CACNA2D3: variants seen among roughly 807,000 people sequenced by gnomAD.
CACNA2D3 encodes the protein voltage-dependent calcium channel subunit alpha-2/delta-3.
In CACNA2D3, 60 loss-of-function variants were observed where a neutral mutation model predicts 160.6. The ratio of observed to expected loss-of-function variants is 0.37; its 90% CI spans 0.30 to 0.46. The LOEUF (loss-of-function observed/expected upper bound fraction) is 0.46. Among genes scored for constraint, CACNA2D3 ranks in the 20% least tolerant of loss-of-function variants. The pLI is 1.00. For missense variants in CACNA2D3, 1,205 were observed against 1,365.0 expected (o/e 0.88, Z 1.85); for synonymous variants, 558 against 492.9 (o/e 1.13, Z -1.75).
chr3:54,759,824 G>T (rs950554172), intron 12 of CACNA2D3, among the ~76,000 whole-genome samples: 1 of 152,208 alleles, frequency 6.6e-6, no homozygotes, highest in Non-Finnish European at 1.5e-5. Context: ...TCCCAGCAGC[G>T]AAAGAGGCAG....
intron 13 of CACNA2D3, among the ~76,000 whole-genome samples, chr3:54,787,799 G>T (rs778832967): frequency 2.0e-5 from 3 of 152,174 alleles, no homozygotes; most frequent in Non-Finnish European, 4.4e-5. Context: ...AAGAGTTATT[G>T]CCTCTTCCTG....
chr3:55,055,561 A>AT (rs1704340379), intron 35 of CACNA2D3, among the ~76,000 whole-genome samples: 2 of 151,846 alleles, frequency 1.3e-5, no homozygotes, highest in Admixed American at 6.6e-5. Context: ...GAATTTTGGA[A>AT]TTTTTTTTCT....
intron 27 of CACNA2D3, among the ~76,000 whole-genome samples, chr3:54,921,236 T>C (rs1035933026): frequency 6.6e-6 from 1 of 152,148 alleles, no homozygotes; most frequent in Non-Finnish European, 1.5e-5. Context: ...GTCTGAACAT[T>C]ACGTAGCTGT....
intron 35 of CACNA2D3, among the ~76,000 whole-genome samples, chr3:55,025,114 A>G (rs116707494): frequency 2.6e-5 from 4 of 152,372 alleles, no homozygotes; most frequent in African/African-American, 9.6e-5. Flanking sequence ...GAGAAAACCA[A>G]TAGAACTAAG....
intron 2 of CACNA2D3, among the ~76,000 whole-genome samples, chr3:54,132,125 A>G (rs891656077): frequency 1.2e-4 from 19 of 152,252 alleles, no homozygotes; most frequent in Non-Finnish European, 1.5e-5. Context: ...TGACTGCGTC[A>G]TGTACAAACA....
intron 2 of CACNA2D3, among the ~76,000 whole-genome samples, chr3:54,236,748 G>C (rs936707498): frequency 1.3e-5 from 2 of 152,182 alleles, no homozygotes; most frequent in African/African-American, 4.8e-5. Flanking sequence ...ACATGACATA[G>C]TGGTCAAGCC....
chr3:54,877,500 T>C (rs1699689984), intron 18 of CACNA2D3, among the ~76,000 whole-genome samples: 1 of 152,168 alleles, frequency 6.6e-6, no homozygotes. Context: ...AGTTCCATTT[T>C]TCAGAAGAGG....
At chr3:54,351,274 G>A (rs138769606) in intron 3 of CACNA2D3, among the ~76,000 whole-genome samples, 100 of 152,028 alleles carry the variant, frequency 6.6e-4, no homozygotes, top group African/African-American at 2.3e-3. Context: ...GAGCTACCGC[G>A]CCCGGCCTTG....
chr3:54,287,703 G>C (rs1451311469), intron 2 of CACNA2D3, among the ~76,000 whole-genome samples: 1 of 145,478 alleles, frequency 6.9e-6, no homozygotes, highest in South Asian at 2.3e-4. Context: ...AAATGTAAAA[G>C]AACAGAGATT....
chr3:54,842,039 G>A (rs1487978513), intron 16 of CACNA2D3, among the ~76,000 whole-genome samples: 2 of 152,206 alleles, frequency 1.3e-5, no homozygotes, highest in Non-Finnish European at 2.9e-5. Flanking sequence ...GATTTCATCA[G>A]TGTATTGATT....
At chr3:54,941,615 T>C (rs2106985842) in intron 27 of CACNA2D3, among the ~76,000 whole-genome samples, 1 of 152,366 alleles carries the variant, frequency 6.6e-6, no homozygotes, top group East Asian at 1.9e-4. Context: ...ATTGTTTTCA[T>C]TGTCTTTTGT....
At chr3:54,514,020 C>A (rs1033489421) in intron 5 of CACNA2D3, among the ~76,000 whole-genome samples, 12 of 152,178 alleles carry the variant, frequency 7.9e-5, no homozygotes, top group Non-Finnish European at 1.8e-4. Context: ...AAATGGAAGG[C>A]CCTGTTTTTG....
At chr3:54,604,100 GT>G (rs1011590790) in intron 9 of CACNA2D3, among the ~76,000 whole-genome samples, 15 of 151,992 alleles carry the variant, frequency 9.9e-5, no homozygotes, top group Non-Finnish European at 1.8e-4. Flanking sequence ...ATTTGGATTT[GT>G]TTAATTCCTT....
chr3:54,981,557 G>C (rs1702508953), intron 29 of CACNA2D3, among the ~76,000 whole-genome samples: 2 of 152,252 alleles, frequency 1.3e-5, no homozygotes, highest in South Asian at 4.1e-4. Flanking sequence ...GCTGGGGAGA[G>C]AGAGAAAAAG....
chr3:55,065,180 C>G (rs1161941804), intron 35 of CACNA2D3, among the ~76,000 whole-genome samples: 1 of 152,150 alleles, frequency 6.6e-6, no homozygotes, highest in Non-Finnish European at 1.5e-5. Flanking sequence ...TTTTAGGCAC[C>G]TACTGAACAG....
chr3:54,435,131 A>G (rs564040196), intron 4 of CACNA2D3, among the ~76,000 whole-genome samples: 18 of 152,166 alleles, frequency 1.2e-4, no homozygotes, highest in Middle Eastern at 3.4e-3. Flanking sequence ...TGTGAGTGGG[A>G]CTCAGTGGGT....
chr3:54,843,030 T>C (rs1698855461), intron 16 of CACNA2D3, among the ~76,000 whole-genome samples: 1 of 146,434 alleles, frequency 6.8e-6, no homozygotes, highest in Non-Finnish European at 1.5e-5. Flanking sequence ...CAGGCTAGAG[T>C]GCAGTGGTGC....
At chr3:54,709,581 C>T (rs1044384426) in intron 11 of CACNA2D3, among the ~76,000 whole-genome samples, 5 of 152,042 alleles carry the variant, frequency 3.3e-5, no homozygotes, top group Non-Finnish European at 7.4e-5. Flanking sequence ...AGACTTGTCT[C>T]GAACTCCTGG....
intron 3 of CACNA2D3, chr3:54,386,114 T>C (rs1699182808): frequency 2.7e-6 from 1 of 372,686 alleles, no homozygotes; most frequent in African/African-American, 2.1e-5. Flanking sequence ...ACAAGAATTG[T>C]GTTGTTGTGG....
Sources: gnomAD v4.1 joint callset for allele counts (sites outside exome capture counted in the v4.1 genomes callset) on GRCh38, gnomAD v4.1.1 for gene constraint, MANE v1.5 for transcripts, NCBI Gene and HGNC (gene_info 2026-07-23, HGNC 2026-07-21) for gene names.